The following BCL11B variants were observed in gnomAD, a reference collection of about 807,000 sequenced individuals.
The protein encoded by BCL11B is B-cell lymphoma/leukemia 11B.
Under a neutral mutation model 49.9 loss-of-function variants are expected in BCL11B, and 8 were observed. The observed-to-expected ratio is 0.16, with a 90% CI of 0.09 to 0.29. The LOEUF (loss-of-function observed/expected upper bound fraction) is 0.29. Among genes scored for constraint, BCL11B ranks in the 10% least tolerant of loss-of-function variants. The pLI is 1.00. For missense variants in BCL11B, 1,006 were observed against 1,351.0 expected (o/e 0.74, Z 4.00); for synonymous variants, 739 against 637.4 (o/e 1.16, Z -2.40).
intron 3 of BCL11B, among the ~76,000 whole-genome samples, chr14:99,214,140 A>T (rs1428678139): frequency 6.6e-6 from 1 of 152,072 alleles, no homozygotes; most frequent in Non-Finnish European, 1.5e-5. Flanking sequence ...GTGTCCCCCC[A>T]TCCACGGCCC....
At chr14:99,186,042 A>G (rs558899889) in intron 3 of BCL11B, among the ~76,000 whole-genome samples, 1 of 152,220 alleles carries the variant, frequency 6.6e-6, no homozygotes, top group Non-Finnish European at 1.5e-5. Context: ...GTCTGTCCTC[A>G]TGGAGCATAA....
intron 2 of BCL11B, among the ~76,000 whole-genome samples, chr14:99,252,478 C>T (rs1198775802): frequency 6.6e-6 from 1 of 152,188 alleles, no homozygotes. Flanking sequence ...CTGGGCTCGT[C>T]AGAAGTCCTT....
At chr14:99,215,259 T>C (rs1486842326) in intron 3 of BCL11B, among the ~76,000 whole-genome samples, 2 of 152,260 alleles carry the variant, frequency 1.3e-5, no homozygotes, top group Non-Finnish European at 2.9e-5. Flanking sequence ...TAGACTGTAA[T>C]TATTTTTTAA....
In BCL11B at chr14:99,184,779, GAAGA is replaced by G. The variant is rs1334401580; in HGVS notation, c.641-8588_641-8585del. 6.6e-6 allele frequency among the ~76,000 whole-genome samples: 1 copy of G among 152,200 alleles called. No individual in the cohort carries two copies. The highest frequency in any genetic ancestry group is 2.4e-5 in the African/African-American group (1 of 41,442). On this transcript the variant is annotated intron_variant, in intron 3 of 3. Transcript: ENST00000357195. The surrounding 1 kb of genome is among the most constrained non-coding windows in gnomAD (Gnocchi z 6.1). The stretch of plus-strand genomic sequence containing the variant: ...GCCTTCGAGGGCAGGAAATGGCCCA[GAAGA>G]AAGAGGCTGCACACAGCGAGAAAAC...
intron 1 of BCL11B, among the ~76,000 whole-genome samples, chr14:99,259,749 T>C (rs901970565): frequency 2.0e-5 from 3 of 152,218 alleles, no homozygotes; most frequent in Non-Finnish European, 4.4e-5. Context: ...AATAGGAGTT[T>C]ACTTAAAAAT....
At chr14:99,260,360 C>A (rs528781799) in intron 1 of BCL11B, among the ~76,000 whole-genome samples, 4 of 152,094 alleles carry the variant, frequency 2.6e-5, no homozygotes, top group Non-Finnish European at 5.9e-5. Context: ...GCGAAGAGGT[C>A]TTCTTGGTTT....
intron 1 of BCL11B, among the ~76,000 whole-genome samples, chr14:99,270,644 C>A (rs2139984241): frequency 6.6e-6 from 1 of 152,110 alleles, no homozygotes; most frequent in South Asian, 2.1e-4. Flanking sequence ...GAGCCGGCGG[C>A]CGCCCCTGGC....
Position 99,173,544 on chromosome 14 carries a change from A to C in BCL11B, c.*607T>G. On this transcript the variant is annotated 3_prime_UTR_variant, in exon 4 of 4. Coordinates refer to ENST00000357195, the MANE Select transcript of BCL11B (RefSeq NM_138576.4). ...TGTACATCCACACCCCCCACCCCAAAAACAAAAACCAAAAAAAAAATTAAA... is the reference window on the plus strand; with the variant it reads ...TGTACATCCACACCCCCCACCCCAACAACAAAAACCAAAAAAAAAATTAAA... 6.3e-6 allele frequency: 1 copy of C among 159,326 alleles called. No individual in the cohort carries two copies. Among genetic ancestry groups the C allele is most frequent in the Admixed American group, 7.9e-5 (1 of 12,710 alleles). The allele number at this position is 159,326 out of a possible 1,614,324, so 9.9% of individuals were successfully genotyped here.
At chr14:99,245,913 C>G (rs1053993178) in intron 2 of BCL11B, among the ~76,000 whole-genome samples, 4 of 151,676 alleles carry the variant, frequency 2.6e-5, no homozygotes, top group Non-Finnish European at 4.4e-5. Flanking sequence ...CAGAGGCGTG[C>G]TCGCTGGGCT....
At position 99,239,419 on chromosome 14, in the gene BCL11B, C is replaced by T. The variant is rs1434197704; in HGVS notation, c.428-7862G>A. On this transcript the variant is annotated intron_variant, in intron 2 of 3. Coordinates refer to ENST00000357195, the MANE Select transcript of BCL11B (RefSeq NM_138576.4). ...ACCAAGCATAAAGAATGTGGGACTT[C>T]GGGTTGGGACCCTGTAGCCCTTTCC... 2.6e-5 allele frequency among the ~76,000 whole-genome samples: 4 copies of T among 152,196 alleles called. No homozygotes were observed. In the East Asian group the frequency reaches 5.8e-4, roughly 22 times the overall value.
chr14:99,253,960 G>T (rs1018997286), intron 2 of BCL11B, among the ~76,000 whole-genome samples: 1 of 152,208 alleles, frequency 6.6e-6, no homozygotes, highest in Non-Finnish European at 1.5e-5. Flanking sequence ...CCCCAGAGAG[G>T]CCTGAAACAA....
rs1372979794 is a variant in BCL11B at position 99,264,626 on chromosome 14, A to C, written c.58+6535T>G. 3 of 152,294 alleles carry C rather than the reference A, an allele frequency of 2.0e-5. No individual in the cohort carries two copies. In the South Asian group the frequency reaches 6.2e-4, roughly 32 times the overall value. 9.4% of individuals were successfully genotyped at this position (152,294 alleles called of 1,614,324 possible). On this transcript the variant is annotated intron_variant, in intron 1 of 3. Coordinates refer to ENST00000357195, the MANE Select transcript of BCL11B (RefSeq NM_138576.4). ...ATCAGCTGCCACAAGAAAAAGAAAA[A>C]AGAATGAATTTCTTGATTTTCAGCA...
At position 99,192,480 on chromosome 14, in the gene BCL11B, G is replaced by A. The variant is rs146695399; in HGVS notation, c.641-16285C>T. Among the ~76,000 whole-genome samples, 854 of 152,220 alleles carry A rather than the reference G, an allele frequency of 5.6e-3. 7 individuals carry two copies. Among genetic ancestry groups the A allele is most frequent in the African/African-American group, 0.019 (806 of 41,536 alleles). On this transcript the variant is annotated intron_variant, in intron 3 of 3. Transcript: ENST00000357195. This position sits in a 1 kb window ranked among gnomAD's most constrained non-coding sequence, Gnocchi z 4.0. The stretch of plus-strand genomic sequence containing the variant: ...AGAAGGCAGAAAATAAAACAATGCC[G>A]GCACGTTCTGGAGACCACAGCGCGC...
intron 2 of BCL11B, among the ~76,000 whole-genome samples, chr14:99,253,313 G>C (rs1423534004): frequency 1.3e-5 from 2 of 152,232 alleles, no homozygotes; most frequent in Non-Finnish European, 2.9e-5. Context: ...GGACGGGAGA[G>C]AGTCTACTCC....
chr14:99,264,116 T>G (rs1889412994), intron 1 of BCL11B: 1 of 151,118 alleles, frequency 6.6e-6, no homozygotes, highest in South Asian at 2.1e-4. Context: ...TGTTTTTATT[T>G]AACATTATGC....
intron 3 of BCL11B, among the ~76,000 whole-genome samples, chr14:99,227,134 C>T (rs1415019072): frequency 6.6e-6 from 1 of 152,182 alleles, no homozygotes; most frequent in Admixed American, 6.5e-5. Context: ...ATTCCACCTC[C>T]CAAAGCTGGT....
In BCL11B at chr14:99,232,241, G is replaced by A. The variant is rs913919187; in HGVS notation, c.428-684C>T. 1.6e-4 allele frequency among the ~76,000 whole-genome samples: 25 copies of A among 152,046 alleles called. No homozygotes were observed. Among genetic ancestry groups the A allele is most frequent in the Non-Finnish European group, 2.8e-4 (19 of 67,942 alleles). On this transcript the variant is annotated intron_variant, in intron 2 of 3. Transcript: ENST00000357195. The surrounding 1 kb of genome is among the most constrained non-coding windows in gnomAD (Gnocchi z 5.1). ...GCTGCTCACCCCCTCCTAACGTCTC[G>A]GCCTGGCTTGGGAGGCCTCCCGCCA...
In BCL11B at chr14:99,271,756, TAAAAG is replaced by T. The variant is rs1468046704; in HGVS notation, c.-543_-539del. ...AAAAAAATGCAAACAAATAAAAAAA[TAAAAG>T]AAGAAAAAGCAAAGGAAAAAAAAAA... On this transcript the variant is annotated 5_prime_UTR_variant, in exon 1 of 4. Transcript: ENST00000357195. Among the ~76,000 whole-genome samples, 357 of 144,176 alleles carry T rather than the reference TAAAAG, an allele frequency of 2.5e-3. 1 individual carries two copies. The highest frequency in any genetic ancestry group is 9.4e-3 in the African/African-American group (347 of 36,904). 94.6% of individuals were successfully genotyped at this position (144,176 alleles called of 152,430 possible).
Position 99,192,601 on chromosome 14 carries a change from C to T in BCL11B, c.641-16406G>A, listed in dbSNP as rs769491444. ...CTGCCAGGTACCAGGTGTACCAGACCGGCTGAAGTTTGGATGGGAAGGGAC... is the reference window on the plus strand; with the variant it reads ...CTGCCAGGTACCAGGTGTACCAGACTGGCTGAAGTTTGGATGGGAAGGGAC... On this transcript the variant is annotated intron_variant, in intron 3 of 3. Transcript: ENST00000357195. This position sits in a 1 kb window ranked among gnomAD's most constrained non-coding sequence, Gnocchi z 4.0. Among the ~76,000 whole-genome samples the T allele has an allele frequency of 3.9e-5, 6 of 152,136 alleles. No homozygotes were observed. The highest frequency in any genetic ancestry group is 9.7e-5 in the African/African-American group (4 of 41,420).
Sources: allele counts gnomAD v4.1 joint callset (sites outside exome capture counted in the v4.1 genomes callset), GRCh38; gene constraint gnomAD v4.1.1; non-coding constraint Gnocchi (gnomAD v3.1); transcripts MANE v1.5; gene names NCBI Gene and HGNC (gene_info 2026-07-23, HGNC 2026-07-21).